The following XYLT1 variants were observed in gnomAD, a reference collection of about 807,000 sequenced individuals.
XYLT1 encodes xylosyltransferase 1.
In XYLT1, 36 loss-of-function variants were observed where a neutral mutation model predicts 91.3. The ratio of observed to expected loss-of-function variants is 0.39; its 90% CI spans 0.30 to 0.52. XYLT1 has a LOEUF of 0.52. XYLT1 is among the 20% of genes least tolerant of loss of function. XYLT1 has a pLI of 0.68. For synonymous variants in XYLT1, 588 were observed against 532.0 expected (o/e 1.11, Z -1.45); for missense variants, 1,242 against 1,284.5 (o/e 0.97, Z 0.51).
At chr16:17,428,965 T>G (rs551124899) in intron 1 of XYLT1, among the ~76,000 whole-genome samples, 1 of 152,288 alleles carries the variant, frequency 6.6e-6, no homozygotes, top group Admixed American at 6.5e-5. Flanking sequence ...GCAGGGCCAT[T>G]GGGAAGCTTC....
At chr16:17,299,922 C>T (rs910148431) in intron 2 of XYLT1, among the ~76,000 whole-genome samples, 4 of 152,138 alleles carry the variant, frequency 2.6e-5, no homozygotes, top group African/African-American at 4.8e-5. Context: ...AAGCACTGAC[C>T]CCGGCAGCAG....
chr16:17,212,201 G>A (rs1318590181), intron 3 of XYLT1, among the ~76,000 whole-genome samples: 1 of 152,228 alleles, frequency 6.6e-6, no homozygotes, highest in African/African-American at 2.4e-5. Context: ...CAAGGACTCT[G>A]TGTTGTAAGA....
intron 3 of XYLT1, among the ~76,000 whole-genome samples, chr16:17,237,676 T>C (rs9934256): frequency 0.088 from 13,329 of 152,248 alleles, 1,850 homozygotes; most frequent in African/African-American, 0.29. Flanking sequence ...TTCTACAGGA[T>C]GCTCCAATAT....
chr16:17,232,429 G>GTGTA (rs1194509016), intron 3 of XYLT1, among the ~76,000 whole-genome samples: 6,724 of 121,434 alleles, frequency 0.055, 223 homozygotes, highest in Non-Finnish European at 0.078. Flanking sequence ...GTGTGTGTGT[G>GTGTA]TATATATATA....
At chr16:17,125,283 A>G (rs77442079) in intron 10 of XYLT1, among the ~76,000 whole-genome samples, 1 of 152,176 alleles carries the variant, frequency 6.6e-6, no homozygotes, top group African/African-American at 2.4e-5. Context: ...GCAAAAGTTC[A>G]TGATGTGGGG....
At chr16:17,423,136 G>C (rs1183435250) in intron 1 of XYLT1, among the ~76,000 whole-genome samples, 4 of 149,486 alleles carry the variant, frequency 2.7e-5, no homozygotes, top group Admixed American at 2.6e-4. Context: ...TAATATCCTG[G>C]ACACCTCGCT....
intron 5 of XYLT1, among the ~76,000 whole-genome samples, chr16:17,195,984 T>C (rs1259705638): frequency 6.6e-6 from 1 of 152,240 alleles, no homozygotes; most frequent in Non-Finnish European, 1.5e-5. Flanking sequence ...CAATGTTCTA[T>C]AACCATTCCC....
At chr16:17,411,079 C>G (rs1408039066) in intron 1 of XYLT1, among the ~76,000 whole-genome samples, 1 of 152,242 alleles carries the variant, frequency 6.6e-6, no homozygotes, top group Non-Finnish European at 1.5e-5. Flanking sequence ...GGTCTGAACC[C>G]TGCTCCCCAG....
rs533743745 is a variant in XYLT1 at position 17,406,726 on chromosome 16, C to T, written c.364-48676G>A. Among the ~76,000 whole-genome samples, 35 of 152,232 alleles carry T rather than the reference C, an allele frequency of 2.3e-4. 1 individual carries two copies. Among genetic ancestry groups the T allele is most frequent in the African/African-American group, 6.5e-4 (27 of 41,530 alleles). ...AGCTGGGGGTCAAAAGGGACCACAA[C>T]GCCCATTTAAACAAGGAGGAAGATG... On this transcript the variant is annotated intron_variant, in intron 1 of 11. Coordinates refer to ENST00000261381, the MANE Select transcript of XYLT1 (RefSeq NM_022166.4).
In XYLT1 at chr16:17,357,920, C is replaced by T. The variant is rs1007965072; in HGVS notation, c.402+92G>A. 14 of 1,410,034 alleles carry T rather than the reference C, an allele frequency of 9.9e-6. No individual in the cohort carries two copies. In the Admixed American group the frequency reaches 2.1e-4, roughly 21 times the overall value. The allele number at this position is 1,410,034 out of a possible 1,614,324, so 87.3% of individuals were successfully genotyped here. ...AAATGGGACCAGGGGCAGCCATGGG[C>T]CTGTCCAGCCTTTCAGAGCCACGGG... On this transcript the variant is annotated intron_variant, in intron 2 of 11. Transcript: ENST00000261381.
chr16:17,286,847 G>A (rs1396087359), intron 2 of XYLT1, among the ~76,000 whole-genome samples: 1 of 152,128 alleles, frequency 6.6e-6, no homozygotes, highest in Admixed American at 6.5e-5. Flanking sequence ...AAACTTATGA[G>A]ATGGGGAGTG....
Position 17,357,172 on chromosome 16 carries a change from C to CAAAAAA in XYLT1, c.402+834_402+839dup, listed in dbSNP as rs1168668915. On this transcript the variant is annotated intron_variant, in intron 2 of 11. Coordinates refer to ENST00000261381, the MANE Select transcript of XYLT1 (RefSeq NM_022166.4). The stretch of plus-strand genomic sequence containing the variant: ...AGCCTGGGCAACAGAGACTCGGTCT[C>CAAAAAA]AAAAAAAAAAAAAAAAAAAAAAAAA... Among the ~76,000 whole-genome samples, 31 of 41,678 alleles carry CAAAAAA rather than the reference C, an allele frequency of 7.4e-4. 8 individuals are homozygous for CAAAAAA. Among genetic ancestry groups the CAAAAAA allele is most frequent in the Non-Finnish European group, 7.6e-4 (15 of 19,650 alleles). 27.3% of individuals were successfully genotyped at this position (41,678 alleles called of 152,430 possible).
chr16:17,332,563 C>CACAT (rs1165985254), intron 2 of XYLT1, among the ~76,000 whole-genome samples: 1 of 89,178 alleles, frequency 1.1e-5, no homozygotes, highest in African/African-American at 4.0e-5. Flanking sequence ...GTCCATCACA[C>CACAT]ACATACACAC....
intron 2 of XYLT1, among the ~76,000 whole-genome samples, chr16:17,272,381 C>G (rs1055766861): frequency 1.3e-5 from 2 of 151,850 alleles, no homozygotes; most frequent in African/African-American, 4.8e-5. Flanking sequence ...CCAGGCTGGT[C>G]TCGAACTCCT....
chr16:17,450,510 G>A (rs1018200346), intron 1 of XYLT1, among the ~76,000 whole-genome samples: 3 of 152,158 alleles, frequency 2.0e-5, no homozygotes, highest in Non-Finnish European at 2.9e-5. Flanking sequence ...TCACACACAC[G>A]GCTGGAAGAA....
At chr16:17,197,352 T>C (rs761644819) in intron 5 of XYLT1, among the ~76,000 whole-genome samples, 56 of 152,138 alleles carry the variant, frequency 3.7e-4, no homozygotes, top group Non-Finnish European at 1.5e-4. Context: ...CCACCGTTGG[T>C]AAAATTACAA....
chr16:17,379,728 A>ATCTCTC (rs71137986), intron 1 of XYLT1, among the ~76,000 whole-genome samples: 169 of 125,862 alleles, frequency 1.3e-3, no homozygotes, highest in Admixed American at 3.4e-3. Context: ...AATGAAGGAT[A>ATCTCTC]TCTCTCTCTC....
intron 1 of XYLT1, among the ~76,000 whole-genome samples, chr16:17,436,323 T>G (rs2036458429): frequency 6.6e-6 from 1 of 152,210 alleles, no homozygotes; most frequent in South Asian, 2.1e-4. Flanking sequence ...ATGAAGTGAC[T>G]TGCCCAAGGT....
chr16:17,436,573 C>T (rs908414148), intron 1 of XYLT1, among the ~76,000 whole-genome samples: 2 of 152,296 alleles, frequency 1.3e-5, no homozygotes, highest in Middle Eastern at 3.4e-3. Context: ...AGCTTTTAAG[C>T]TACGGGTTGG....
Sources: gnomAD v4.1 joint callset for allele counts (sites outside exome capture counted in the v4.1 genomes callset) on GRCh38, gnomAD v4.1.1 for gene constraint, MANE v1.5 for transcripts, NCBI Gene and HGNC (gene_info 2026-07-23, HGNC 2026-07-21) for gene names.